RAP1GAP2: variants seen among roughly 807,000 people sequenced by gnomAD.
RAP1GAP2 encodes the protein rap1 GTPase-activating protein 2.
A neutral mutation model predicts 95.0 loss-of-function variants in RAP1GAP2; 27 were observed. The observed-to-expected ratio is 0.28, with a 90% CI of 0.21 to 0.39. The LOEUF is 0.39. Ranked by LOEUF, RAP1GAP2 falls within the 10% of genes least tolerant of loss-of-function variation. The pLI is 1.00. For synonymous variants in RAP1GAP2, 373 were observed against 380.9 expected, an observed-to-expected ratio of 0.98 and a Z score of 0.24; for missense variants, 771 against 970.0, an observed-to-expected ratio of 0.79 and a Z score of 2.72.
At chr17:2,777,152 C>G (rs914852161) in exon 1 of RAP1GAP2, 1 of 152,236 alleles carries the variant, frequency 6.6e-6, no homozygotes, top group Non-Finnish European at 1.5e-5. Context: ...GTGGGGTGAC[C>G]GTCCTCAGAA....
intron 3 of RAP1GAP2, among the ~76,000 whole-genome samples, chr17:2,955,625 C>G (rs559886134): frequency 1.3e-5 from 2 of 152,120 alleles, no homozygotes; most frequent in South Asian, 4.1e-4. Flanking sequence ...TTTCTTTAAA[C>G]GTTTGGTAGA....
At chr17:3,006,431 A>G (rs1243744966) in intron 16 of RAP1GAP2, among the ~76,000 whole-genome samples, 11 of 138,632 alleles carry the variant, frequency 7.9e-5, no homozygotes, top group Non-Finnish European at 1.5e-4. Context: ...CGCCTGGCCA[A>G]TCAGTCCTTT....
chr17:2,918,509 A>G (rs995198881), intron 3 of RAP1GAP2, among the ~76,000 whole-genome samples: 1 of 151,870 alleles, frequency 6.6e-6, no homozygotes, highest in African/African-American at 2.4e-5. Flanking sequence ...GGATGCTGAC[A>G]TCTGCTTGGC....
upstream of RAP1GAP2, among the ~76,000 whole-genome samples, chr17:2,776,633 G>C (rs1278866197): frequency 6.6e-6 from 1 of 151,562 alleles, no homozygotes; most frequent in East Asian, 1.9e-4. Context: ...GCGGAGGCGC[G>C]GCGAGGGCGG....
chr17:2,909,706 C>G (rs1338870315), intron 3 of RAP1GAP2, among the ~76,000 whole-genome samples: 3 of 152,176 alleles, frequency 2.0e-5, no homozygotes, highest in Non-Finnish European at 2.9e-5. Context: ...CCTCCTCCCC[C>G]GTGTTCTGTC....
chr17:2,846,914 G>A (rs6502566), intron 2 of RAP1GAP2, among the ~76,000 whole-genome samples: 33,081 of 152,098 alleles, frequency 0.22, 3,746 homozygotes, highest in African/African-American at 0.25. Context: ...ATTCCTAACT[G>A]CATTTTAGCT....
intron 17 of RAP1GAP2, among the ~76,000 whole-genome samples, chr17:3,010,423 C>G (rs2046489760): frequency 6.6e-6 from 1 of 150,936 alleles, no homozygotes; most frequent in Non-Finnish European, 1.5e-5. Flanking sequence ...TTTAATGAAG[C>G]ACTTGTTTTG....
chr17:2,971,343 AG>A (rs2044859747), intron 8 of RAP1GAP2, among the ~76,000 whole-genome samples: 1 of 152,240 alleles, frequency 6.6e-6, no homozygotes, highest in Admixed American at 6.5e-5. Flanking sequence ...ATATTTATAA[AG>A]TAATGACATT....
chr17:2,789,618 A>C (rs895584044), intron 1 of RAP1GAP2, among the ~76,000 whole-genome samples: 2 of 149,864 alleles, frequency 1.3e-5, no homozygotes, highest in Non-Finnish European at 3.0e-5. Context: ...AAAAAAAAAA[A>C]AAAAAAAAAA....
chr17:2,796,643 G>A lies in RAP1GAP2; in HGVS notation c.44+72G>A. 1 of 1,513,304 alleles carries A rather than the reference G, an allele frequency of 6.6e-7. No individual in the cohort carries two copies. The highest frequency in any genetic ancestry group is 9.0e-7 in the Non-Finnish European group (1 of 1,112,402). The allele number at this position is 1,513,304 out of a possible 1,614,324, so 93.7% of individuals were successfully genotyped here. A position where few individuals can be genotyped will look rare whatever the true frequency, so the allele number is the denominator to read the frequency against. Reference sequence around the variant, plus strand: ...AAGTGAAGTCTTGTTAAGTGCATTGGCGGCCGTGGGAACAGAGGGGCTCGG... The same window carrying A: ...AAGTGAAGTCTTGTTAAGTGCATTGACGGCCGTGGGAACAGAGGGGCTCGG... On this transcript the variant is annotated intron_variant, in intron 1 of 24. Transcript: ENST00000254695. The surrounding 1 kb of genome is among the most constrained non-coding windows in gnomAD (Gnocchi z 4.7).
At chr17:2,782,500 C>T (rs2068683543) in intron 1 of RAP1GAP2, among the ~76,000 whole-genome samples, 1 of 152,196 alleles carries the variant, frequency 6.6e-6, no homozygotes, top group Non-Finnish European at 1.5e-5. Context: ...TCCCCAGTAG[C>T]CTTGGTTGGC....
intron 3 of RAP1GAP2, among the ~76,000 whole-genome samples, chr17:2,944,842 G>A (rs1170943022): frequency 1.3e-5 from 2 of 152,166 alleles, no homozygotes; most frequent in East Asian, 3.9e-4. Flanking sequence ...CCAGCCACTC[G>A]GTTAAATTTG....
At chr17:2,853,641 CCGAGGCCGGGGCGCGGGAGG>C (rs1414840062) in intron 2 of RAP1GAP2, among the ~76,000 whole-genome samples, 1 of 148,554 alleles carries the variant, frequency 6.7e-6, no homozygotes, top group Admixed American at 6.7e-5. Context: ...ATCCGGGCGG[CCGAGGCCGGGGCGCGGGAGG>C]CGGGGCCGGG....
chr17:3,021,888 G>A (rs1426027624), intron 19 of RAP1GAP2, among the ~76,000 whole-genome samples: 2 of 152,216 alleles, frequency 1.3e-5, no homozygotes, highest in East Asian at 1.9e-4. Flanking sequence ...CTTATCTGTT[G>A]ATGGACACTC....
rs559906190 is a variant in RAP1GAP2, at chr17:2,929,529, T to C, written c.165+24161T>C. ...GCATCTCCTGGGGCAGTTGGTGAGC[T>C]GGTTCCTGGTAAAGTCATTCCTCGT... On this transcript the variant is annotated intron_variant, in intron 3 of 24. Transcript: ENST00000254695. Among the ~76,000 whole-genome samples, 798 of 152,290 alleles carry C rather than the reference T, an allele frequency of 5.2e-3. 3 individuals carry two copies. Among genetic ancestry groups the C allele is most frequent in the Middle Eastern group, 0.01 (3 of 294 alleles).
At chr17:2,889,878 TA>T (rs1567746603) in intron 2 of RAP1GAP2, among the ~76,000 whole-genome samples, 4 of 80,234 alleles carry the variant, frequency 5.0e-5, no homozygotes, top group South Asian at 5.0e-4. Context: ...TATATATATA[TA>T]TATATATATA....
intron 2 of RAP1GAP2, among the ~76,000 whole-genome samples, chr17:2,865,042 G>T (rs1029151652): frequency 6.6e-6 from 1 of 152,180 alleles, no homozygotes; most frequent in Non-Finnish European, 1.5e-5. Flanking sequence ...GAAAGCTGAG[G>T]TTCAAAAGGG....
In RAP1GAP2 at chr17:3,008,240, C is replaced by T. The variant is rs1235655153; in HGVS notation, c.1494+95C>T. ...TCCATGGGATACTGATCCCAGAGCCCAAGGGCCAGCTGGAGGGGTGACAGG... is the reference window on the plus strand; with the variant it reads ...TCCATGGGATACTGATCCCAGAGCCTAAGGGCCAGCTGGAGGGGTGACAGG... On this transcript the variant is annotated intron_variant, in intron 17 of 24. Transcript: ENST00000254695. The surrounding 1 kb of genome is among the most constrained non-coding windows in gnomAD (Gnocchi z 4.2). 6 of 1,541,332 alleles carry T rather than the reference C, an allele frequency of 3.9e-6. No individual in the cohort carries two copies. The East Asian group carries it at 1.1e-4, about 29-fold the overall frequency.
At chr17:2,838,161 G>A (rs2071224738) in intron 2 of RAP1GAP2, among the ~76,000 whole-genome samples, 1 of 151,592 alleles carries the variant, frequency 6.6e-6, no homozygotes, top group East Asian at 1.9e-4. Context: ...TGCGATTACA[G>A]GCGCCCACCA....
Sources: allele counts gnomAD v4.1 joint callset (sites outside exome capture counted in the v4.1 genomes callset), GRCh38; gene constraint gnomAD v4.1.1; non-coding constraint Gnocchi (gnomAD v3.1); transcripts MANE v1.5; gene names NCBI Gene and HGNC (gene_info 2026-07-23, HGNC 2026-07-21).